Variants in HPSE2 observed in about 807,000 individuals in gnomAD.
The protein encoded by HPSE2 is inactive heparanase-2.
HPSE2 carries 38 observed loss-of-function variants against 60.5 expected under a neutral mutation model. The observed-to-expected ratio is 0.63, with a 90% CI of 0.48 to 0.82. The LOEUF is 0.82. HPSE2 is among the 40% of genes least tolerant of loss of function. The pLI is 0.00. For synonymous variants in HPSE2, 295 were observed against 293.2 expected (o/e 1.01, Z -0.06); for missense variants, 713 against 740.4 (o/e 0.96, Z 0.43).
chr10:99,161,627 T>C (rs1277518928), intron 2 of HPSE2, among the ~76,000 whole-genome samples: 1 of 152,180 alleles, frequency 6.6e-6, no homozygotes, highest in Admixed American at 6.5e-5. Flanking sequence ...CTTTATACAT[T>C]TCATAGAAAT....
intron 3 of HPSE2, among the ~76,000 whole-genome samples, chr10:99,125,146 C>T (rs80086936): frequency 0.016 from 2,474 of 152,282 alleles, 93 homozygotes; most frequent in East Asian, 0.14. Flanking sequence ...CTTCATTACA[C>T]ACACACAAAA....
At chr10:99,187,772 T>C (rs1848081580) in intron 2 of HPSE2, among the ~76,000 whole-genome samples, 1 of 152,232 alleles carries the variant, frequency 6.6e-6, no homozygotes. Context: ...ACTTTAACTT[T>C]CACACATTGC....
chr10:99,205,815 G>A (rs1023637127), intron 2 of HPSE2, among the ~76,000 whole-genome samples: 2 of 152,180 alleles, frequency 1.3e-5, no homozygotes, highest in Non-Finnish European at 2.9e-5. Context: ...GTAAGTTCAA[G>A]TCTTGGGAGC....
intron 3 of HPSE2, among the ~76,000 whole-genome samples, chr10:98,914,220 C>CT (rs1000200399): frequency 3.4e-4 from 51 of 152,086 alleles, no homozygotes; most frequent in African/African-American, 1.2e-3. Context: ...GGGAGTTTCC[C>CT]TGCACAAGCT....
intron 3 of HPSE2, among the ~76,000 whole-genome samples, chr10:98,829,876 TC>T (rs1179689794): frequency 1.3e-5 from 2 of 152,164 alleles, no homozygotes; most frequent in African/African-American, 4.8e-5. Context: ...AAATTTTATT[TC>T]TTCTAAGAAA....
At chr10:98,514,447 C>G (rs1318994043) in intron 9 of HPSE2, among the ~76,000 whole-genome samples, 1 of 151,770 alleles carries the variant, frequency 6.6e-6, no homozygotes, top group South Asian at 2.1e-4. Context: ...TATTTTACCA[C>G]AATAAAAAAA....
At chr10:98,882,355 A>C (rs961191874) in intron 3 of HPSE2, among the ~76,000 whole-genome samples, 1 of 152,056 alleles carries the variant, frequency 6.6e-6, no homozygotes, top group South Asian at 2.1e-4. Context: ...TTAATATACT[A>C]ACAGACAACC....
At chr10:99,295,542 T>C in the HPSE2 span, among the ~76,000 whole-genome samples, 2 of 152,244 alleles carry the variant, frequency 1.3e-5, no homozygotes, top group Non-Finnish European at 1.5e-5. Flanking sequence ...AAGATGTTTT[T>C]TTCTTTCTTC....
At chr10:99,244,835 T>G in the HPSE2 span, among the ~76,000 whole-genome samples, 1 of 152,066 alleles carries the variant, frequency 6.6e-6, no homozygotes, top group Non-Finnish European at 1.5e-5. Context: ...TAGTACATAC[T>G]TACTCAATAG....
intron 11 of HPSE2, among the ~76,000 whole-genome samples, chr10:98,461,403 T>G (rs1045834212): frequency 6.8e-6 from 1 of 146,494 alleles, no homozygotes; most frequent in Non-Finnish European, 1.5e-5. Context: ...AGGCATGGGG[T>G]GGGAGAATTG....
At chr10:98,977,593 T>C (rs976895887) in intron 3 of HPSE2, among the ~76,000 whole-genome samples, 2 of 152,162 alleles carry the variant, frequency 1.3e-5, no homozygotes, top group Admixed American at 6.6e-5. Context: ...TGGTAGAGTC[T>C]GGCAAGCAAG....
At chr10:98,608,683 G>A (rs931758990) in intron 9 of HPSE2, among the ~76,000 whole-genome samples, 9 of 152,284 alleles carry the variant, frequency 5.9e-5, no homozygotes, top group Middle Eastern at 3.4e-3. Context: ...CTCAGCAGCC[G>A]CAGGTTCCCA....
intron 3 of HPSE2, among the ~76,000 whole-genome samples, chr10:98,754,414 C>T (rs968948326): frequency 5.8e-4 from 88 of 151,994 alleles, no homozygotes; most frequent in African/African-American, 1.7e-3. Context: ...AGAGAGAGCA[C>T]AAGCAACTTG....
intron 7 of HPSE2, 132 bp downstream of exon 7, chr10:98,641,715 A>T (rs1946641583): frequency 9.1e-6 from 7 of 773,202 alleles, no homozygotes; most frequent in African/African-American, 1.7e-5. Flanking sequence ...GACCATGCCC[A>T]TCTAGACTGC....
intron 5 of HPSE2, among the ~76,000 whole-genome samples, chr10:98,703,582 C>T (rs1948469587): frequency 2.0e-5 from 3 of 152,136 alleles, no homozygotes; most frequent in South Asian, 2.1e-4. Flanking sequence ...GTGATCAAGT[C>T]GGCTTCATCC....
upstream of HPSE2, among the ~76,000 whole-genome samples, chr10:99,238,624 T>C (rs12359932): frequency 0.058 from 8,863 of 152,312 alleles, 361 homozygotes; most frequent in Non-Finnish European, 0.087. Context: ...TGTTTGGTGC[T>C]TTGGTTTAGT....
chr10:98,635,602 A>G (rs1033390849), intron 7 of HPSE2, among the ~76,000 whole-genome samples: 1 of 152,000 alleles, frequency 6.6e-6, no homozygotes, highest in Non-Finnish European at 1.5e-5. Flanking sequence ...TCAACACAGC[A>G]AGACCTTGTC....
chr10:98,810,012 A>G (rs1268768850), intron 3 of HPSE2, among the ~76,000 whole-genome samples: 1 of 152,124 alleles, frequency 6.6e-6, no homozygotes, highest in Non-Finnish European at 1.5e-5. Context: ...TTTTTGTAAA[A>G]TCATGATCGA....
At chr10:99,231,142 T>G (rs1270773485) in intron 2 of HPSE2, among the ~76,000 whole-genome samples, 1 of 152,178 alleles carries the variant, frequency 6.6e-6, no homozygotes, top group Non-Finnish European at 1.5e-5. Flanking sequence ...TCTTTCTCTA[T>G]TCTGGCACTT....
Sources: allele counts gnomAD v4.1 joint callset (sites outside exome capture counted in the v4.1 genomes callset), GRCh38; gene constraint gnomAD v4.1.1; transcripts MANE v1.5; gene names NCBI Gene and HGNC (gene_info 2026-07-23, HGNC 2026-07-21).